The following AGBL4 variants were observed in gnomAD, a reference collection of about 807,000 sequenced individuals.
AGBL4 encodes cytosolic carboxypeptidase 6.
Under a neutral mutation model 66.4 loss-of-function variants are expected in AGBL4, and 58 were observed. The ratio of observed to expected loss-of-function variants is 0.87; its 90% CI spans 0.71 to 1.09. The LOEUF is 1.09. Ranked by LOEUF, AGBL4 falls within the 50% of genes least tolerant of loss-of-function variation. The pLI is 0.00. For synonymous variants in AGBL4, 234 were observed against 222.9 expected, an observed-to-expected ratio of 1.05 and a Z score of -0.44; for missense variants, 579 against 631.0, an observed-to-expected ratio of 0.92 and a Z score of 0.88.
chr1:48,537,157 T>C (rs1643986658), intron 12 of AGBL4, among the ~76,000 whole-genome samples: 1 of 152,238 alleles, frequency 6.6e-6, no homozygotes, highest in South Asian at 2.1e-4. Context: ...ATATCCCAAA[T>C]TAGAGCTCAG....
intron 3 of AGBL4, among the ~76,000 whole-genome samples, chr1:49,374,992 A>C (rs905527171): frequency 1.3e-5 from 2 of 152,136 alleles, no homozygotes; most frequent in Non-Finnish European, 2.9e-5. Context: ...ACCTTTGACC[A>C]ACCTCTCTCT....
At chr1:49,980,122 T>A (rs1006067143) in intron 1 of AGBL4, among the ~76,000 whole-genome samples, 3 of 152,166 alleles carry the variant, frequency 2.0e-5, no homozygotes, top group African/African-American at 7.2e-5. Flanking sequence ...TAGTCAACAG[T>A]AGGCTATGAG....
intron 9 of AGBL4, among the ~76,000 whole-genome samples, chr1:48,594,522 T>C (rs1417828543): frequency 6.6e-6 from 1 of 152,238 alleles, no homozygotes; most frequent in Admixed American, 6.5e-5. Context: ...TTTGTCTTTC[T>C]ATTTTACTTC....
At chr1:49,721,629 C>A (rs559484330) in intron 2 of AGBL4, among the ~76,000 whole-genome samples, 20 of 152,058 alleles carry the variant, frequency 1.3e-4, no homozygotes, top group African/African-American at 4.6e-4. Flanking sequence ...TCTCTAGTGG[C>A]AGTATAAATA....
At chr1:48,540,541 A>G (rs1001525789) in intron 11 of AGBL4, among the ~76,000 whole-genome samples, 1 of 152,030 alleles carries the variant, frequency 6.6e-6, no homozygotes, top group African/African-American at 2.4e-5. Context: ...ATATCTCTTT[A>G]TTAGAGCCCT....
intron 3 of AGBL4, among the ~76,000 whole-genome samples, chr1:49,382,572 C>A (rs1570579802): frequency 6.6e-6 from 1 of 152,040 alleles, no homozygotes; most frequent in Admixed American, 6.6e-5. Flanking sequence ...ATAGTGAAAG[C>A]CTGAAAGCTT....
rs146543794 is a variant in AGBL4 at position 49,132,633 on chromosome 1, G to A, written c.378-86833C>T. Among the ~76,000 whole-genome samples, 845 of 152,130 alleles carry A rather than the reference G, an allele frequency of 5.6e-3. 11 individuals are homozygous for A. Among genetic ancestry groups the A allele is most frequent in the South Asian group, 0.024 (117 of 4,830 alleles). ...GTTTTTTGCCTTCATGATACAGATC[G>A]AGCAGGGTATTATTGTTAATCTATA... On this transcript the variant is annotated intron_variant, in intron 4 of 13. Coordinates refer to ENST00000371839, the MANE Select transcript of AGBL4 (RefSeq NM_032785.4).
chr1:49,093,921 A>C (rs996235241), intron 4 of AGBL4, among the ~76,000 whole-genome samples: 1 of 152,170 alleles, frequency 6.6e-6, no homozygotes, highest in Non-Finnish European at 1.5e-5. Flanking sequence ...CATAGGATAG[A>C]GTTCATCTTT....
chr1:49,035,939 G>C (rs113894451), intron 5 of AGBL4, among the ~76,000 whole-genome samples: 2 of 151,880 alleles, frequency 1.3e-5, no homozygotes, highest in Admixed American at 1.3e-4. Context: ...TATAAAGATG[G>C]CAACAATAGA....
At chr1:49,378,681 T>C (rs1389528450) in intron 3 of AGBL4, among the ~76,000 whole-genome samples, 1 of 152,088 alleles carries the variant, frequency 6.6e-6, no homozygotes, top group Non-Finnish European at 1.5e-5. Context: ...TACAAGTCTG[T>C]CACCTGCGAA....
At chr1:48,893,609 TG>T (rs1256067701) in intron 5 of AGBL4, among the ~76,000 whole-genome samples, 4 of 151,860 alleles carry the variant, frequency 2.6e-5, no homozygotes, top group Non-Finnish European at 5.9e-5. Flanking sequence ...GGTGTGGACC[TG>T]AGAGGCGGAG....
At chr1:48,686,607 CAAG>C (rs1557878500) in intron 6 of AGBL4, among the ~76,000 whole-genome samples, 1 of 152,210 alleles carries the variant, frequency 6.6e-6, no homozygotes, top group African/African-American at 2.4e-5. Flanking sequence ...CTAAGGAATA[CAAG>C]AAGGACAGGC....
chr1:49,926,289 AC>A (rs556803149), intron 1 of AGBL4, among the ~76,000 whole-genome samples: 93 of 152,362 alleles, frequency 6.1e-4, no homozygotes, highest in African/African-American at 1.8e-3. Flanking sequence ...AAAGTGGTGC[AC>A]CTATGAGTCT....
At chr1:48,806,726 TG>T (rs1645932190) in intron 6 of AGBL4, among the ~76,000 whole-genome samples, 1 of 152,210 alleles carries the variant, frequency 6.6e-6, no homozygotes. Flanking sequence ...TGGCTTCCTT[TG>T]CCATTTGGTA....
chr1:49,617,411 T>C (rs1645270428), intron 3 of AGBL4, among the ~76,000 whole-genome samples: 1 of 152,220 alleles, frequency 6.6e-6, no homozygotes, highest in South Asian at 2.1e-4. Context: ...TGGACTATTA[T>C]TCTCCATAGC....
chr1:49,104,143 A>G (rs889801826), intron 4 of AGBL4, among the ~76,000 whole-genome samples: 3 of 152,126 alleles, frequency 2.0e-5, no homozygotes, highest in Non-Finnish European at 4.4e-5. Flanking sequence ...TCACCTGCTA[A>G]ATAGTTCTTA....
At chr1:48,560,953 T>C (rs185991096) in intron 11 of AGBL4, among the ~76,000 whole-genome samples, 2 of 152,370 alleles carry the variant, frequency 1.3e-5, no homozygotes, top group African/African-American at 2.4e-5. Context: ...TTACCTGACA[T>C]CAAGCTTCTT....
intron 9 of AGBL4, among the ~76,000 whole-genome samples, chr1:48,623,621 G>T (rs867530560): frequency 1.3e-5 from 2 of 152,266 alleles, no homozygotes; most frequent in African/African-American, 2.4e-5. Flanking sequence ...CAGTGAATTT[G>T]TCTTGGGCTT....
rs142125472 is a variant in AGBL4 at position 49,315,417 on chromosome 1, T to C, written c.283-69553A>G. Among the ~76,000 whole-genome samples the C allele has an allele frequency of 3.1e-3, 466 of 152,208 alleles. 3 individuals carry two copies. The highest frequency in any genetic ancestry group is 0.011 in the African/African-American group (451 of 41,554). On this transcript the variant is annotated intron_variant, in intron 3 of 13. Transcript: ENST00000371839. ...ATGGGATCTAGTTAAACTAAAGAGC[T>C]TCTGCACAGCAAAACAAACTATCAT...
Sources: allele counts gnomAD v4.1 joint callset (sites outside exome capture counted in the v4.1 genomes callset), GRCh38; gene constraint gnomAD v4.1.1; transcripts MANE v1.5; gene names NCBI Gene and HGNC (gene_info 2026-07-23, HGNC 2026-07-21).